TRIO: variants seen among roughly 807,000 people sequenced by gnomAD.
The protein encoded by TRIO is trio Rho guanine nucleotide exchange factor.
Under a neutral mutation model 351.9 loss-of-function variants are expected in TRIO, and 58 were observed. The ratio of observed to expected loss-of-function variants is 0.16; its 90% confidence interval spans 0.13 to 0.21. The LOEUF (loss-of-function observed/expected upper bound fraction) is 0.21. TRIO is among the 10% of genes least tolerant of loss of function. The pLI is 1.00. For missense variants in TRIO, 3,201 were observed against 4,027.8 expected (o/e 0.79, Z 5.56); for synonymous variants, 1,758 against 1,595.7 (o/e 1.10, Z -2.42).
intron 1 of TRIO, among the ~76,000 whole-genome samples, chr5:14,187,882 A>G (rs27632): frequency 0.058 from 8,899 of 152,252 alleles, 342 homozygotes; most frequent in African/African-American, 0.1. Context: ...GGGCTTTCTT[A>G]TGGGGATAAA....
intron 36 of TRIO, 78 bp from the exon 37 acceptor site, chr5:14,465,467 G>A (rs1158945741): frequency 1.0e-5 from 14 of 1,375,078 alleles, no homozygotes; most frequent in African/African-American, 1.4e-5. Context: ...GATGGAGCTT[G>A]CAGGGGAATT....
chr5:14,421,626 T>C (rs1417348768), intron 34 of TRIO, among the ~76,000 whole-genome samples: 1 of 148,384 alleles, frequency 6.7e-6, no homozygotes, highest in African/African-American at 2.5e-5. Flanking sequence ...AAAAAGATTG[T>C]TTGTTCCCTT....
chr5:14,385,280 C>T (rs991216753), intron 21 of TRIO, among the ~76,000 whole-genome samples: 2 of 152,226 alleles, frequency 1.3e-5, no homozygotes, highest in African/African-American at 4.8e-5. Flanking sequence ...GTCTAACCAC[C>T]GTTCATGCAA....
intron 1 of TRIO, among the ~76,000 whole-genome samples, chr5:14,225,089 A>G (rs149948480): frequency 7.2e-4 from 110 of 152,258 alleles, no homozygotes; most frequent in Non-Finnish European, 1.2e-3. Context: ...ACAGGACCCT[A>G]CAGCCCTAGA....
At chr5:14,361,688 A>G (rs1015606998) in intron 13 of TRIO, among the ~76,000 whole-genome samples, 3 of 152,194 alleles carry the variant, frequency 2.0e-5, no homozygotes, top group Admixed American at 1.3e-4. Context: ...TCAGATGTGG[A>G]TGGAGGTCCA....
At chr5:14,439,385 C>T (rs1751846115) in intron 34 of TRIO, among the ~76,000 whole-genome samples, 2 of 152,304 alleles carry the variant, frequency 1.3e-5, no homozygotes, top group South Asian at 2.1e-4. Flanking sequence ...TTATTGTACT[C>T]ATTTTTAAGC....
intron 9 of TRIO, among the ~76,000 whole-genome samples, chr5:14,320,767 T>C: frequency 6.6e-6 from 1 of 152,226 alleles, no homozygotes. Context: ...ATTTATAATC[T>C]GATAAGAGCA....
intron 18 of TRIO, among the ~76,000 whole-genome samples, chr5:14,371,229 AC>A (rs1248865635): frequency 1.3e-5 from 2 of 152,174 alleles, no homozygotes; most frequent in East Asian, 1.9e-4. Context: ...TTTTTGACTT[AC>A]GATTTTTTTG....
At chr5:14,345,779 A>G (rs1742363370) in intron 11 of TRIO, among the ~76,000 whole-genome samples, 1 of 152,144 alleles carries the variant, frequency 6.6e-6, no homozygotes, top group South Asian at 2.1e-4. Context: ...ACCTCAAGTG[A>G]TCCACCCACC....
At chr5:14,410,715 T>G (rs906444552) in intron 33 of TRIO, among the ~76,000 whole-genome samples, 1 of 152,188 alleles carries the variant, frequency 6.6e-6, no homozygotes, top group Non-Finnish European at 1.5e-5. Context: ...AGGCAAAAGT[T>G]ATCTGCTAGG....
Position 14,461,280 on chromosome 5 carries a change from C to T in TRIO, c.5465C>T (p.Ala1822Val). The T allele has an allele frequency of 2.5e-6, 4 of 1,593,368 alleles. No homozygotes were observed. The highest frequency in any genetic ancestry group is 2.3e-5 in the East Asian group (1 of 44,252). The change falls in exon 35 of 57, where the codon GCG (alanine) becomes GTG (valine). Residue 1822 changes from alanine (A) to valine (V), a missense_variant. Physicochemically the swap from Ala to Val is moderately conservative, Grantham distance 64. Around this residue, in one of 19 missense-constraint regions of TRIO, gnomAD observed 193 missense variants for 218.8 expected, o/e 0.88. Coordinates refer to ENST00000344204, the MANE Select transcript of TRIO (RefSeq NM_007118.4). Reference protein sequence around the residue: ...AGSQKDSDDSAATPQDETVEE... With the variant: ...AGSQKDSDDSVATPQDETVEE... ...TCGCAGAAGGACTCCGACGACAGTG[C>T]GGCCACCCCGCAGGACGAGACGGTC...
chr5:14,367,250 T>C (rs752519904), intron 16 of TRIO, among the ~76,000 whole-genome samples: 2 of 152,306 alleles, frequency 1.3e-5, no homozygotes, highest in Non-Finnish European at 2.9e-5. Flanking sequence ...GGGTTCCTGT[T>C]GTTCTCCTGT....
At chr5:14,400,692 A>G (rs1289244297) in intron 30 of TRIO, among the ~76,000 whole-genome samples, 1 of 152,150 alleles carries the variant, frequency 6.6e-6, no homozygotes, top group Non-Finnish European at 1.5e-5. Flanking sequence ...GGATTTTCAC[A>G]TGTTGGTTTC....
chr5:14,348,998 C>T (rs1021229105), intron 11 of TRIO, among the ~76,000 whole-genome samples: 3 of 145,014 alleles, frequency 2.1e-5, no homozygotes, highest in Non-Finnish European at 4.5e-5. Flanking sequence ...TGCGCACGCA[C>T]ATGAGCATGT....
intron 1 of TRIO, among the ~76,000 whole-genome samples, chr5:14,179,908 A>G (rs1332801104): frequency 1.3e-5 from 2 of 151,940 alleles, no homozygotes; most frequent in African/African-American, 2.4e-5. Context: ...CCTGGCCAAC[A>G]TGACCAGTAG....
At chr5:14,437,195 T>G (rs145219835) in intron 34 of TRIO, among the ~76,000 whole-genome samples, 271 of 152,308 alleles carry the variant, frequency 1.8e-3, no homozygotes, top group African/African-American at 6.3e-3. Flanking sequence ...GGATATTGAA[T>G]TTTTTACTAA....
chr5:14,200,976 C>T (rs575380649), intron 1 of TRIO, among the ~76,000 whole-genome samples: 9 of 152,178 alleles, frequency 5.9e-5, no homozygotes, highest in South Asian at 2.1e-4. Flanking sequence ...AAAACATTCT[C>T]GGCTGGGCGC....
chr5:14,488,895 G>C (rs749755490), intron 48 of TRIO: 2 of 750,194 alleles, frequency 2.7e-6, no homozygotes, highest in Admixed American at 3.5e-5. Flanking sequence ...GGCTGGGGCC[G>C]GTCCCTGCGG....
chr5:14,312,976 C>A (rs1739059338), intron 8 of TRIO, among the ~76,000 whole-genome samples: 1 of 152,144 alleles, frequency 6.6e-6, no homozygotes, highest in Admixed American at 6.5e-5. Context: ...TATATGCCAT[C>A]CTTTATGTGC....
Sources: gnomAD v4.1 joint callset for allele counts (sites outside exome capture counted in the v4.1 genomes callset) on GRCh38, gnomAD v4.1.1 for gene constraint, gnomAD v4.1.1 regional missense constraint, MANE v1.5 for transcripts, NCBI Gene and HGNC (gene_info 2026-07-23, HGNC 2026-07-21) for gene names.